The following CLRN1 variants were observed in gnomAD, a reference collection of about 807,000 sequenced individuals.
The protein encoded by CLRN1 is clarin-1.
CLRN1 carries 15 observed loss-of-function variants against 18.7 expected under a neutral mutation model. The observed-to-expected ratio is 0.80, with a 90% CI of 0.54 to 1.23. The LOEUF is 1.23. Among genes scored for constraint, CLRN1 ranks in the 50% most tolerant of loss-of-function variants. The pLI, the probability that CLRN1 is intolerant of heterozygous loss-of-function variation, is 0.00. For missense variants in CLRN1, 311 were observed against 277.5 expected (o/e 1.12, Z -0.86); for synonymous variants, 104 against 102.9 (o/e 1.01, Z -0.07).
rs1435965875 is a variant in CLRN1 at position 150,926,703 on chromosome 3, G to A, written c.*1233C>T. On this transcript the variant is annotated 3_prime_UTR_variant, in exon 3 of 3. Coordinates refer to ENST00000327047, the MANE Select transcript of CLRN1 (RefSeq NM_174878.3). ...GGGAAACAGTGTTTTATTTTAAGGA[G>A]TACTTTCAAACCTATTATATGAGGG... is the stretch of plus-strand genomic sequence containing the variant. The A allele has an allele frequency of 3.2e-6, 4 of 1,255,796 alleles. No homozygotes were observed. Among genetic ancestry groups the A allele is most frequent in the Non-Finnish European group, 4.6e-6 (4 of 861,000 alleles). The allele number at this position is 1,255,796 out of a possible 1,614,324, so 77.8% of individuals were successfully genotyped here.
intron 1 of CLRN1, among the ~76,000 whole-genome samples, chr3:150,950,444 A>G (rs1249317958): frequency 6.6e-6 from 1 of 152,248 alleles, no homozygotes; most frequent in Non-Finnish European, 1.5e-5. Flanking sequence ...AGCATCTATG[A>G]GGAACTTAAA....
At chr3:150,966,991 A>T (rs978616103) in intron 1 of CLRN1, among the ~76,000 whole-genome samples, 1 of 152,236 alleles carries the variant, frequency 6.6e-6, no homozygotes, top group African/African-American at 2.4e-5. Context: ...CCATATACAG[A>T]TGCAAGAACT....
chr3:150,943,786 C>A (rs776805963), intron 1 of CLRN1: 5 of 1,613,708 alleles, frequency 3.1e-6, no homozygotes, highest in Middle Eastern at 1.7e-4. Flanking sequence ...TTGTAACACA[C>A]CCTCTGGGGC....
chr3:150,927,413 C>T lies in CLRN1; in HGVS notation c.*523G>A, dbSNP rs1255395893. On this transcript the variant is annotated 3_prime_UTR_variant, in exon 3 of 3. Transcript: ENST00000327047. ...GTGCTGGAATTACAGGTGTGAGTCACCACGCCTGGCCTAAGAGTATACTTT... is the reference window on the plus strand; with the variant it reads ...GTGCTGGAATTACAGGTGTGAGTCATCACGCCTGGCCTAAGAGTATACTTT... The T allele has an allele frequency of 2.2e-6, 1 of 449,364 alleles. No individual in the cohort carries two copies. Among genetic ancestry groups the T allele is most frequent in the Admixed American group, 2.4e-5 (1 of 42,390 alleles). 27.8% of individuals were successfully genotyped at this position (449,364 alleles called of 1,614,324 possible). A position where few individuals can be genotyped will look rare whatever the true frequency, so the allele number is the denominator to read the frequency against.
At chr3:150,961,624 A>G (rs1715042199) in intron 1 of CLRN1, among the ~76,000 whole-genome samples, 1 of 152,144 alleles carries the variant, frequency 6.6e-6, no homozygotes, top group East Asian at 1.9e-4. Flanking sequence ...TTTCGTCTCA[A>G]CCTGTCCTTC....
In CLRN1 at chr3:150,956,469, C is replaced by G. The variant is rs538525388; in HGVS notation, c.254-14708G>C. Among the ~76,000 whole-genome samples the G allele has an allele frequency of 3.3e-5, 5 of 152,212 alleles. No individual in the cohort carries two copies. The South Asian group carries it at 1.0e-3, about 32-fold the overall frequency. ...AGAAACTAGTCACTGGGTTCTCTATCCTGGTAGCAGAACAGAAGGCACCTA... is the reference window on the plus strand; with the variant it reads ...AGAAACTAGTCACTGGGTTCTCTATGCTGGTAGCAGAACAGAAGGCACCTA... On this transcript the variant is annotated intron_variant, in intron 1 of 2. Coordinates refer to ENST00000327047, the MANE Select transcript of CLRN1 (RefSeq NM_174878.3).
chr3:150,961,031 A>G (rs932978870), intron 1 of CLRN1, among the ~76,000 whole-genome samples: 2 of 152,226 alleles, frequency 1.3e-5, no homozygotes, highest in African/African-American at 4.8e-5. Flanking sequence ...AAATTCATCA[A>G]TCAGATTGCT....
chr3:150,947,831 T>A (rs1477204164), intron 1 of CLRN1, among the ~76,000 whole-genome samples: 1 of 152,122 alleles, frequency 6.6e-6, no homozygotes, highest in Non-Finnish European at 1.5e-5. Context: ...AAGACAGAAA[T>A]CAAGAAGTTT....
chr3:150,949,101 C>T (rs1353526234), intron 1 of CLRN1, among the ~76,000 whole-genome samples: 1 of 152,108 alleles, frequency 6.6e-6, no homozygotes, highest in Admixed American at 6.5e-5. Context: ...GAACTAAAGA[C>T]AAAAGCCACA....
At chr3:150,962,192 G>GC (rs1715069251) in intron 1 of CLRN1, among the ~76,000 whole-genome samples, 1 of 152,128 alleles carries the variant, frequency 6.6e-6, no homozygotes, top group African/African-American at 2.4e-5. Flanking sequence ...CCTGAGAATG[G>GC]CTTTGCCACA....
rs1256550366 is a variant in CLRN1, at chr3:150,940,528, G to A, written c.433+1054C>T. The A allele has an allele frequency of 2.6e-6, 4 of 1,534,494 alleles. No individual in the cohort carries two copies. In the Admixed American group the frequency reaches 7.8e-5, roughly 30 times the overall value. ...TGGCAGCCAAAGGGCAACTTCAGGA[G>A]AAAAAGAAACAGTCGAATAGAGATT... On this transcript the variant is annotated intron_variant, in intron 2 of 2. Coordinates refer to ENST00000327047, the MANE Select transcript of CLRN1 (RefSeq NM_174878.3).
At chr3:150,952,670 T>C (rs1164545360) in intron 1 of CLRN1, among the ~76,000 whole-genome samples, 1 of 152,066 alleles carries the variant, frequency 6.6e-6, no homozygotes, top group Non-Finnish European at 1.5e-5. Flanking sequence ...TCCATTCATC[T>C]CCCCACCTGT....
At chr3:150,946,997 T>C (rs184669061) in intron 1 of CLRN1, among the ~76,000 whole-genome samples, 2 of 149,206 alleles carry the variant, frequency 1.3e-5, no homozygotes, top group African/African-American at 4.9e-5. Context: ...GATTTTGAGA[T>C]AGCGAGGGAA....
chr3:150,945,791 G>T, intron 1 of CLRN1: 1 of 511,984 alleles, frequency 2.0e-6, no homozygotes, highest in Non-Finnish European at 3.0e-6. Flanking sequence ...AGGGTATGGG[G>T]AAATGGGGAC....
intron 1 of CLRN1, among the ~76,000 whole-genome samples, chr3:150,949,848 G>A (rs1264629262): frequency 6.6e-6 from 1 of 152,074 alleles, no homozygotes; most frequent in Non-Finnish European, 1.5e-5. Context: ...GAGCCCAAAT[G>A]GCCAAGGTAA....
At position 150,926,571 on chromosome 3, in the gene CLRN1, T is replaced by C; in HGVS notation, c.*1365A>G. On this transcript the variant is annotated 3_prime_UTR_variant, in exon 3 of 3. Transcript: ENST00000327047. ...CCTGATTTAAGGGGAAAAACCAGCA[T>C]CTGGAAACTCGGTGTGTTCTGATGT... The C allele has an allele frequency of 3.3e-6, 2 of 598,736 alleles. No individual in the cohort carries two copies. Among genetic ancestry groups the C allele is most frequent in the Non-Finnish European group, 6.1e-6 (2 of 330,022 alleles). 37.1% of individuals were successfully genotyped at this position (598,736 alleles called of 1,614,324 possible). A position where few individuals can be genotyped will look rare whatever the true frequency, so the allele number is the denominator to read the frequency against.
rs34027634 is a variant in CLRN1, at chr3:150,927,631, TACACACAC to T, written c.*297_*304del. 62 of 473,422 alleles carry T rather than the reference TACACACAC, an allele frequency of 1.3e-4. 1 individual carries two copies. The highest frequency in any genetic ancestry group is 4.9e-4 in the East Asian group (9 of 18,330). The allele number at this position is 473,422 out of a possible 1,614,324, so 29.3% of individuals were successfully genotyped here. On this transcript the variant is annotated 3_prime_UTR_variant, in exon 3 of 3. Coordinates refer to ENST00000327047, the MANE Select transcript of CLRN1 (RefSeq NM_174878.3). ...ATATCTTTTTGATAGGAAGACATCT[TACACACAC>T]ACACACACACACACACACACATATA...
chr3:150,950,222 T>C (rs183451664), intron 1 of CLRN1, among the ~76,000 whole-genome samples: 4 of 152,292 alleles, frequency 2.6e-5, no homozygotes, highest in Admixed American at 2.6e-4. Context: ...GAAGACAACC[T>C]AGGCAATATC....
chr3:150,957,098 T>G (rs531769458), intron 1 of CLRN1, among the ~76,000 whole-genome samples: 1 of 152,310 alleles, frequency 6.6e-6, no homozygotes, highest in African/African-American at 2.4e-5. Flanking sequence ...CCCTTCTCCC[T>G]GTGCTTTCAG....
Sources: allele counts gnomAD v4.1 joint callset (sites outside exome capture counted in the v4.1 genomes callset), GRCh38; gene constraint gnomAD v4.1.1; transcripts MANE v1.5; gene names NCBI Gene and HGNC (gene_info 2026-07-23, HGNC 2026-07-21).